GDPD1: variants seen among roughly 807,000 people sequenced by gnomAD.
GDPD1 encodes the protein glycerophosphodiester phosphodiesterase domain containing 1, also known as lysophospholipase D GDPD1.
A neutral mutation model predicts 45.1 loss-of-function variants in GDPD1; 28 were observed. The ratio of observed to expected loss-of-function variants is 0.62; its 90% CI spans 0.46 to 0.85. The LOEUF (loss-of-function observed/expected upper bound fraction) is 0.85, where lower values mean the gene tolerates loss of function less well. Ranked by LOEUF, GDPD1 falls within the 40% of genes least tolerant of loss-of-function variation. The probability of loss-of-function intolerance (pLI) is 0.00; values close to 1 mark genes in which losing one functional copy is unlikely to be tolerated. For missense variants in GDPD1, 256 were observed against 364.8 expected, an observed-to-expected ratio of 0.70 and a Z score of 2.43; for synonymous variants, 139 against 131.4, an observed-to-expected ratio of 1.06 and a Z score of -0.40.
chr17:59,263,828 T>A (rs541885685), intron 6 of GDPD1, among the ~76,000 whole-genome samples: 1 of 152,088 alleles, frequency 6.6e-6, no homozygotes, highest in East Asian at 1.9e-4. Flanking sequence ...TACATCAGCC[T>A]TTTAATTTCC....
intron 4 of GDPD1, among the ~76,000 whole-genome samples, chr17:59,255,286 G>A (rs922786407): frequency 6.6e-6 from 1 of 151,964 alleles, no homozygotes; most frequent in African/African-American, 2.4e-5. Flanking sequence ...TTATATAAAT[G>A]ATTAGAGTAA....
chr17:59,245,136 T>TTAA (rs1214354347), intron 2 of GDPD1, among the ~76,000 whole-genome samples: 1 of 152,246 alleles, frequency 6.6e-6, no homozygotes, highest in Non-Finnish European at 1.5e-5. Context: ...AAAGCAGGAA[T>TTAA]TAATATCAAA....
chr17:59,265,808 G>A (rs2047394362), intron 6 of GDPD1, among the ~76,000 whole-genome samples: 5 of 150,520 alleles, frequency 3.3e-5, no homozygotes. Flanking sequence ...TCAGGAGGCT[G>A]AGGTGGGAGT....
At chr17:59,236,515 A>G (rs1053245687) in intron 2 of GDPD1, among the ~76,000 whole-genome samples, 1 of 151,984 alleles carries the variant, frequency 6.6e-6, no homozygotes, top group African/African-American at 2.4e-5. Context: ...TGTTTGTTTG[A>G]GACAGAGTCT....
chr17:59,254,299 T>C (rs894952536), intron 4 of GDPD1, among the ~76,000 whole-genome samples: 1 of 147,568 alleles, frequency 6.8e-6, no homozygotes, highest in Non-Finnish European at 1.5e-5. Flanking sequence ...AGGCAGAGGT[T>C]GCGATGAGCC....
rs1454977235 is a variant in GDPD1 at position 59,221,476 on chromosome 17, T to TAAAC, written c.142+727_142+730dup. Among the ~76,000 whole-genome samples, 17 of 118,532 alleles carry TAAAC rather than the reference T, an allele frequency of 1.4e-4. No individual in the cohort carries two copies. In the South Asian group the frequency reaches 2.7e-3, roughly 19 times the overall value. 77.8% of individuals were successfully genotyped at this position (118,532 alleles called of 152,430 possible). Reference sequence around the variant, plus strand: ...ATAAATAAATAAATAAATAAATAAATAAACACGCAAAGACACGTGGATTTT... The same window carrying TAAAC: ...ATAAATAAATAAATAAATAAATAAATAAACAAACACGCAAAGACACGTGGATTTT... On this transcript the variant is annotated intron_variant, in intron 1 of 9. Coordinates refer to ENST00000284116, the MANE Select transcript of GDPD1 (RefSeq NM_182569.4).
chr17:59,274,845 T>A lies in GDPD1; in HGVS notation c.*1072T>A, dbSNP rs539736175. Among the ~76,000 whole-genome samples the A allele has an allele frequency of 6.1e-3, 884 of 145,528 alleles. 13 individuals carry two copies. Among genetic ancestry groups the A allele is most frequent in the African/African-American group, 0.018 (740 of 40,100 alleles). Reference sequence around the variant, plus strand: ...GGAATACAATCAATTAGTAAAAGATTTTTTTTTTTTTTTTGACATGTAGTC... The same window carrying A: ...GGAATACAATCAATTAGTAAAAGATATTTTTTTTTTTTTTGACATGTAGTC... On this transcript the variant is annotated 3_prime_UTR_variant, in exon 10 of 10. Transcript: ENST00000284116.
intron 3 of GDPD1, among the ~76,000 whole-genome samples, chr17:59,248,412 G>A (rs963972977): frequency 7.9e-5 from 12 of 151,754 alleles, no homozygotes; most frequent in African/African-American, 2.4e-5. Context: ...TTATTAATTA[G>A]TTTAAAGATC....
In GDPD1 at chr17:59,273,758, T is replaced by C. The variant is rs750660971; in HGVS notation, c.930T>C (p.His310=). 43 of 1,574,958 alleles carry C rather than the reference T, an allele frequency of 2.7e-5. No homozygotes were observed. Among genetic ancestry groups the C allele is most frequent in the Non-Finnish European group, 3.5e-5 (41 of 1,161,730 alleles). ...DYPTKLRDFL[H]NFSA is the part of the protein sequence containing the mutation. ...CAACAAAGCTTAGGGATTTTTTACA[T>C]AACTTTTCAGCATAGAAAAAGAGGT... is the stretch of plus-strand genomic sequence containing the variant. Residue 310 remains histidine, a synonymous_variant, in exon 10 of 10, where the codon CAT becomes CAC. Coordinates refer to ENST00000284116, the MANE Select transcript of GDPD1 (RefSeq NM_182569.4).
intron 2 of GDPD1, among the ~76,000 whole-genome samples, chr17:59,236,603 T>C (rs2047133895): frequency 6.6e-6 from 1 of 152,070 alleles, no homozygotes; most frequent in African/African-American, 2.4e-5. Flanking sequence ...TCAAATGATT[T>C]CTCTGCCTCA....
intron 7 of GDPD1, among the ~76,000 whole-genome samples, chr17:59,270,174 A>G (rs1039911110): frequency 1.3e-5 from 2 of 151,952 alleles, no homozygotes; most frequent in Non-Finnish European, 2.9e-5. Context: ...TTAGGGAAAA[A>G]AGGACTTGTA....
intron 1 of GDPD1, among the ~76,000 whole-genome samples, chr17:59,225,451 G>A (rs1158638759): frequency 6.6e-6 from 1 of 151,658 alleles, no homozygotes; most frequent in Non-Finnish European, 1.5e-5. Context: ...CAGCTTGAAG[G>A]AACTAATGAA....
At chr17:59,271,872 T>G (rs1048022813) in intron 8 of GDPD1, among the ~76,000 whole-genome samples, 1 of 152,088 alleles carries the variant, frequency 6.6e-6, no homozygotes, top group African/African-American at 2.4e-5. Context: ...TGGCCTCATG[T>G]GATCTGCCCA....
chr17:59,249,161 G>A (rs2047234646), intron 4 of GDPD1: 2 of 154,548 alleles, frequency 1.3e-5, no homozygotes. Flanking sequence ...GGAGGCTGAG[G>A]CGGGCAGATC....
intron 1 of GDPD1, among the ~76,000 whole-genome samples, chr17:59,230,034 A>G (rs2047076978): frequency 6.6e-6 from 1 of 152,200 alleles, no homozygotes; most frequent in Admixed American, 6.6e-5. Context: ...AAAAAGGACC[A>G]CAGATACCCC....
At chr17:59,235,816 C>CAA (rs368914278) in intron 2 of GDPD1, among the ~76,000 whole-genome samples, 2 of 97,930 alleles carry the variant, frequency 2.0e-5, no homozygotes, top group African/African-American at 3.2e-5. Context: ...GACTCTATCT[C>CAA]AAAAAAAAAA....
chr17:59,268,721 G>A (rs1377582207), intron 7 of GDPD1, among the ~76,000 whole-genome samples: 2 of 151,806 alleles, frequency 1.3e-5, no homozygotes, highest in Non-Finnish European at 2.9e-5. Flanking sequence ...AAAGCTGAAC[G>A]TTAGTGTAGC....
chr17:59,273,970 G>C lies in GDPD1; in HGVS notation c.*197G>C, dbSNP rs2047462032. On this transcript the variant is annotated 3_prime_UTR_variant, in exon 10 of 10. Transcript: ENST00000284116. The stretch of plus-strand genomic sequence containing the variant: ...TTTTAAATAATATTGTATATTTTAT[G>C]TTTGTAAATTGTTTAGAAAGATAAT... The C allele has an allele frequency of 2.6e-6, 2 of 756,808 alleles. No individual in the cohort carries two copies. Among genetic ancestry groups the C allele is most frequent in the Non-Finnish European group, 3.2e-6 (2 of 616,214 alleles). The allele number at this position is 756,808 out of a possible 1,614,324, so 46.9% of individuals were successfully genotyped here. A position where few individuals can be genotyped will look rare whatever the true frequency, so the allele number is the denominator to read the frequency against.
At chr17:59,270,251 T>G (rs1169562817) in intron 7 of GDPD1, among the ~76,000 whole-genome samples, 2 of 151,810 alleles carry the variant, frequency 1.3e-5, no homozygotes, top group Non-Finnish European at 2.9e-5. Flanking sequence ...TGGAGTGCAG[T>G]GGCGCAGTCT....
Sources: allele counts gnomAD v4.1 joint callset (sites outside exome capture counted in the v4.1 genomes callset), GRCh38; gene constraint gnomAD v4.1.1; transcripts MANE v1.5; gene names NCBI Gene and HGNC (gene_info 2026-07-23, HGNC 2026-07-21).